ZFHX3: variants seen among roughly 807,000 people sequenced by gnomAD.
The protein encoded by ZFHX3 is zinc finger homeobox protein 3.
ZFHX3 carries 42 observed loss-of-function variants against 279.1 expected under a neutral mutation model. The observed-to-expected ratio is 0.15, with a 90% CI of 0.12 to 0.19. The LOEUF (loss-of-function observed/expected upper bound fraction) is 0.19, where lower values mean the gene tolerates loss of function less well. Ranked by LOEUF, ZFHX3 falls within the 10% of genes least tolerant of loss-of-function variation. ZFHX3 has a pLI of 1.00. For synonymous variants in ZFHX3, 2,293 were observed against 1,957.8 expected, an observed-to-expected ratio of 1.17 and a Z score of -4.52; for missense variants, 4,981 against 4,754.0, an observed-to-expected ratio of 1.05 and a Z score of -1.40.
chr16:73,740,891 C>T (rs1254638944), intron 1 of ZFHX3, among the ~76,000 whole-genome samples: 1 of 152,196 alleles, frequency 6.6e-6, no homozygotes, highest in East Asian at 1.9e-4. Context: ...GAGGGACACC[C>T]TGAGGTTACC....
chr16:73,286,434 G>C (rs1035550806), intron 4 of ZFHX3, among the ~76,000 whole-genome samples: 1 of 152,232 alleles, frequency 6.6e-6, no homozygotes, highest in African/African-American at 2.4e-5. Flanking sequence ...CTCAAGCTGT[G>C]ACCTTAAGTA....
chr16:73,605,259 A>T (rs981666715), intron 2 of ZFHX3, among the ~76,000 whole-genome samples: 1 of 152,202 alleles, frequency 6.6e-6, no homozygotes, highest in Admixed American at 6.5e-5. Flanking sequence ...GGCAGCAGGG[A>T]ACTTAAAAGA....
chr16:73,507,969 C>T (rs1486812652), intron 2 of ZFHX3, among the ~76,000 whole-genome samples: 2 of 152,136 alleles, frequency 1.3e-5, no homozygotes, highest in Admixed American at 6.5e-5. Context: ...AGGACCAAGG[C>T]AGGGGGGCAA....
chr16:73,472,725 G>T (rs538793091), intron 2 of ZFHX3, among the ~76,000 whole-genome samples: 34 of 152,290 alleles, frequency 2.2e-4, no homozygotes, highest in African/African-American at 7.5e-4. Flanking sequence ...GCGATCAGGG[G>T]ATTGGTTAGT....
intron 7 of ZFHX3, among the ~76,000 whole-genome samples, chr16:72,804,457 T>G (rs2036202974): frequency 6.6e-6 from 1 of 152,164 alleles, no homozygotes; most frequent in Non-Finnish European, 1.5e-5. Context: ...TTCCAGATAA[T>G]TTTAGGAAAT....
intron 1 of ZFHX3, among the ~76,000 whole-genome samples, chr16:73,710,043 T>C (rs1597076546): frequency 6.6e-6 from 1 of 151,812 alleles, no homozygotes; most frequent in Non-Finnish European, 1.5e-5. Context: ...AATTGGCTGG[T>C]GTGGTAGCGG....
intron 3 of ZFHX3, among the ~76,000 whole-genome samples, chr16:72,894,099 C>T (rs982080365): frequency 7.0e-6 from 1 of 143,646 alleles, no homozygotes; most frequent in Non-Finnish European, 1.5e-5. Context: ...CAGTGAGCCA[C>T]AATAGTGCCA....
chr16:72,802,344 A>T (rs952039059), intron 7 of ZFHX3, among the ~76,000 whole-genome samples: 3 of 152,120 alleles, frequency 2.0e-5, no homozygotes, highest in South Asian at 2.1e-4. Context: ...ATAATTCCTG[A>T]TTGGGATTCA....
intron 2 of ZFHX3, among the ~76,000 whole-genome samples, chr16:73,629,617 C>T (rs1191726443): frequency 6.6e-6 from 1 of 151,272 alleles, no homozygotes; most frequent in East Asian, 1.9e-4. Context: ...CAAAAGCAAA[C>T]CCAAATGCCA....
chr16:73,078,779 G>A (rs1013390623), intron 8 of ZFHX3, among the ~76,000 whole-genome samples: 3 of 151,972 alleles, frequency 2.0e-5, no homozygotes, highest in Non-Finnish European at 4.4e-5. Context: ...CGAGTAGCTG[G>A]GACTACAGGC....
At position 72,957,860 on chromosome 16, in the gene ZFHX3, C is replaced by G. The variant is rs141353191; in HGVS notation, c.2286G>C (p.Gly762=). The G allele has an allele frequency of 3.1e-6, 5 of 1,613,992 alleles. No homozygotes were observed. Among genetic ancestry groups the G allele is most frequent in the Non-Finnish European group, 4.2e-6 (5 of 1,180,014 alleles). Residue 762 remains glycine, a synonymous_variant, in exon 2 of 10, where the codon GGG becomes GGC. Coordinates refer to ENST00000268489, the MANE Select transcript of ZFHX3 (RefSeq NM_006885.4). ...NNMQNLQNGG[G]EQVFSHTAGA... ...CGGCAGTGTGGCTGAAGACCTGCTC[C>G]CCCCCTCCATTCTGCAGGTTCTGCA...
intron 2 of ZFHX3, among the ~76,000 whole-genome samples, chr16:73,525,325 C>T (rs1194847225): frequency 5.9e-5 from 9 of 152,116 alleles, no homozygotes; most frequent in Non-Finnish European, 1.3e-4. Context: ...AATCCAGTAA[C>T]ATGTAGCTTA....
intron 7 of ZFHX3, among the ~76,000 whole-genome samples, chr16:72,805,344 G>A (rs1003246169): frequency 2.0e-5 from 3 of 152,020 alleles, no homozygotes; most frequent in Admixed American, 6.6e-5. Flanking sequence ...TATTCCTACC[G>A]CCTTGGCATT....
At chr16:73,753,785 G>GT (rs34956657) in intron 1 of ZFHX3, among the ~76,000 whole-genome samples, 156 of 148,580 alleles carry the variant, frequency 1.0e-3, no homozygotes, top group African/African-American at 1.3e-3. Flanking sequence ...TCAATAAGGT[G>GT]TTTTTTTTTT....
intron 2 of ZFHX3, among the ~76,000 whole-genome samples, chr16:73,669,529 G>A (rs2052880970): frequency 1.3e-5 from 2 of 152,214 alleles, no homozygotes; most frequent in African/African-American, 4.8e-5. Context: ...AGATAAAAAG[G>A]GGTATCCATG....
At chr16:72,924,513 C>A (rs1014877417) in intron 3 of ZFHX3, among the ~76,000 whole-genome samples, 5 of 152,124 alleles carry the variant, frequency 3.3e-5, no homozygotes, top group Non-Finnish European at 7.3e-5. Context: ...TTGTTTCAAG[C>A]CAGCAGATGG....
intron 2 of ZFHX3, among the ~76,000 whole-genome samples, chr16:73,669,430 C>T (rs2052879926): frequency 6.6e-6 from 1 of 152,196 alleles, no homozygotes; most frequent in South Asian, 2.1e-4. Context: ...TCTAGATGAC[C>T]TTCTAAAGGG....
chr16:72,791,644 T>C (rs2035707402), intron 9 of ZFHX3: 1 of 152,200 alleles, frequency 6.6e-6, no homozygotes, highest in Non-Finnish European at 1.5e-5. Context: ...CACATTACTA[T>C]GATGTGTTAA....
intron 1 of ZFHX3, among the ~76,000 whole-genome samples, chr16:73,885,005 G>T (rs539042337): frequency 1.3e-5 from 2 of 151,972 alleles, no homozygotes; most frequent in Non-Finnish European, 2.9e-5. Flanking sequence ...AATGCTTTTC[G>T]CTTTAAATTT....
Sources: gnomAD v4.1 joint callset for allele counts (sites outside exome capture counted in the v4.1 genomes callset) on GRCh38, gnomAD v4.1.1 for gene constraint, MANE v1.5 for transcripts, NCBI Gene and HGNC (gene_info 2026-07-23, HGNC 2026-07-21) for gene names.